Variants in SRD5A3 observed in about 807,000 individuals in gnomAD.
SRD5A3 encodes polyprenal reductase.
In SRD5A3, 24 loss-of-function variants were observed where a neutral mutation model predicts 34.3. The observed-to-expected ratio is 0.70, with a 90% CI of 0.51 to 0.99. The LOEUF (loss-of-function observed/expected upper bound fraction) is 0.99. Ranked by LOEUF, SRD5A3 falls within the 50% of genes least tolerant of loss-of-function variation. The probability of loss-of-function intolerance (pLI) is 0.00; values close to 1 mark genes in which losing one functional copy is unlikely to be tolerated. For synonymous variants in SRD5A3, 161 were observed against 167.3 expected (o/e 0.96, Z 0.29); for missense variants, 350 against 388.2 (o/e 0.90, Z 0.83).
chr4:55,346,545 A>C lies in SRD5A3; in HGVS notation c.209A>C (p.Asp70Ala). 1 of 1,596,734 alleles carries C rather than the reference A, an allele frequency of 6.3e-7. No homozygotes were observed. The highest frequency in any genetic ancestry group is 8.5e-7 in the Non-Finnish European group (1 of 1,172,676). ...PSRPAACRAF[D>A]VPKRYFSHFY... ...CGCCCCGCCGCCTGCCGAGCCTTTG[A>C]TGTCCCCAAGAGGTAACCGCGCCCC... Residue 70 changes from aspartate (D) to alanine (A), a missense_variant, in exon 1 of 5, where the codon GAT becomes GCT. Physicochemically the swap from Asp to Ala is moderately radical, Grantham distance 126. Around this residue, in one of 3 missense-constraint regions of SRD5A3, gnomAD observed 159 missense variants for 149.1 expected, o/e 1.07. Coordinates refer to ENST00000264228, the MANE Select transcript of SRD5A3 (RefSeq NM_024592.5).
Position 55,367,716 on chromosome 4 carries a change from A to G in SRD5A3, c.691A>G (p.Lys231Glu). ...TATTCTCGGCAATCTCAGGAAAAAT[A>G]AAGCAGGTGAGACCTCTTTTAGAGC... ...HVILGNLRKN[K>E]AGVVIHCNHR... The change falls in exon 4 of 5, where the codon AAA (lysine) becomes GAA (glutamate). Residue 231 changes from lysine (K) to glutamate (E), a missense_variant. By Grantham distance (56) the Lys-to-Glu change is moderately conservative. This residue lies in a region of SRD5A3 where 186 missense variants were observed against 221.4 expected (regional missense o/e 0.84). Coordinates refer to ENST00000264228, the MANE Select transcript of SRD5A3 (RefSeq NM_024592.5). The G allele has an allele frequency of 6.2e-7, 1 of 1,614,146 alleles. No homozygotes were observed.
chr4:55,365,441 C>A (rs1283201205), intron 3 of SRD5A3, among the ~76,000 whole-genome samples: 3 of 152,216 alleles, frequency 2.0e-5, no homozygotes, highest in Non-Finnish European at 2.9e-5. Context: ...CTCTCTGATT[C>A]CTCTGAACTT....
chr4:55,369,129 A>G (rs1190962421), intron 4 of SRD5A3, among the ~76,000 whole-genome samples: 2 of 152,192 alleles, frequency 1.3e-5, no homozygotes, highest in African/African-American at 4.8e-5. Context: ...CAATGCCGAC[A>G]TGAGATGACT....
intron 1 of SRD5A3, among the ~76,000 whole-genome samples, chr4:55,348,957 C>T (rs963537288): frequency 1.3e-5 from 2 of 152,088 alleles, no homozygotes; most frequent in Non-Finnish European, 1.5e-5. Context: ...TTGGTTAATC[C>T]AAATTTAAAA....
At chr4:55,359,267 A>G in intron 1 of SRD5A3, 79 bp from the exon 2 acceptor site, 1 of 1,588,078 alleles carries the variant, frequency 6.3e-7, no homozygotes, top group Non-Finnish European at 8.6e-7. Flanking sequence ...AAAGACAGAG[A>G]AACTAAAAAT....
chr4:55,348,594 GT>G (rs1719080090), intron 1 of SRD5A3, among the ~76,000 whole-genome samples: 1 of 152,126 alleles, frequency 6.6e-6, no homozygotes, highest in South Asian at 2.1e-4. Context: ...GATTTTACTG[GT>G]TTATAAATAG....
At chr4:55,350,963 G>A (rs1719169164) in intron 1 of SRD5A3, among the ~76,000 whole-genome samples, 1 of 151,458 alleles carries the variant, frequency 6.6e-6, no homozygotes, top group Non-Finnish European at 1.5e-5. Context: ...ATGGGGTTTC[G>A]CCATGTTGTA....
chr4:55,362,959 C>T, intron 2 of SRD5A3, among the ~76,000 whole-genome samples: 1 of 151,194 alleles, frequency 6.6e-6, no homozygotes, highest in Non-Finnish European at 1.5e-5. Context: ...AGTTCTACTA[C>T]CTCAGCCTGC....
chr4:55,370,266 C>T lies in SRD5A3; in HGVS notation c.*175C>T. The T allele has an allele frequency of 8.9e-6, 7 of 783,860 alleles. No homozygotes were observed. The highest frequency in any genetic ancestry group is 1.4e-5 in the Non-Finnish European group (7 of 486,208). 48.6% of individuals were successfully genotyped at this position (783,860 alleles called of 1,614,324 possible). ...GGCAGTGCCACTCAAGAAAATGAAT[C>T]TCCAAAGTATCTTCAAAGAATAAAT... is the stretch of plus-strand genomic sequence containing the variant. On this transcript the variant is annotated 3_prime_UTR_variant, in exon 5 of 5. Coordinates refer to ENST00000264228, the MANE Select transcript of SRD5A3 (RefSeq NM_024592.5).
Position 55,370,749 on chromosome 4 carries a change from A to G in SRD5A3, c.*658A>G, listed in dbSNP as rs1560375427. 6.5e-6 allele frequency: 1 copy of G among 154,094 alleles called. No individual in the cohort carries two copies. The highest frequency in any genetic ancestry group is 1.4e-5 in the Non-Finnish European group (1 of 69,430). The allele number at this position is 154,094 out of a possible 1,614,324, so 9.5% of individuals were successfully genotyped here. A position where few individuals can be genotyped will look rare whatever the true frequency, so the allele number is the denominator to read the frequency against. On this transcript the variant is annotated 3_prime_UTR_variant, in exon 5 of 5. Transcript: ENST00000264228. ...ATGAAAATTAGCCAAGAGTGGTGGC[A>G]CATGCCTGTAGTCCCAGATACTTGG...
intron 1 of SRD5A3, among the ~76,000 whole-genome samples, chr4:55,358,117 T>G (rs1034152356): frequency 5.3e-5 from 8 of 152,184 alleles, no homozygotes; most frequent in African/African-American, 1.4e-4. Flanking sequence ...GGATTTAATA[T>G]ATGCACGATG....
chr4:55,351,728 T>C (rs1247851017), intron 1 of SRD5A3: 1 of 417,820 alleles, frequency 2.4e-6, no homozygotes, highest in Non-Finnish European at 4.7e-6. Flanking sequence ...AACAGAATAA[T>C]AATTCATGCT....
chr4:55,363,666 C>G (rs1187178928), intron 2 of SRD5A3, among the ~76,000 whole-genome samples: 2 of 152,132 alleles, frequency 1.3e-5, no homozygotes, highest in Non-Finnish European at 2.9e-5. Flanking sequence ...TCCTGTCCCC[C>G]TCTCTGCCTC....
chr4:55,364,606 C>T, intron 3 of SRD5A3: 1 of 318,566 alleles, frequency 3.1e-6, no homozygotes. Flanking sequence ...GTCCCAGCTA[C>T]TGGGGAGGCT....
rs79043990 is a variant in SRD5A3 at position 55,355,907 on chromosome 4, G to A, written c.222-3439G>A. Among the ~76,000 whole-genome samples, 448 of 149,448 alleles carry A rather than the reference G, an allele frequency of 3.0e-3. 2 individuals are homozygous for A. Among genetic ancestry groups the A allele is most frequent in the African/African-American group, 0.01 (423 of 40,700 alleles). On this transcript the variant is annotated intron_variant, in intron 1 of 4. Coordinates refer to ENST00000264228, the MANE Select transcript of SRD5A3 (RefSeq NM_024592.5). ...ATGCTCTACCTGGCACCCCTTACCC[G>A]CACAACTAGACTGTTCTCTACCTCG...
chr4:55,354,576 C>T (rs1398528721), intron 1 of SRD5A3, among the ~76,000 whole-genome samples: 1 of 152,168 alleles, frequency 6.6e-6, no homozygotes, highest in African/African-American at 2.4e-5. Flanking sequence ...CTAGTTCTCT[C>T]TCTTACCTGC....
In SRD5A3 at chr4:55,364,154, T is replaced by G; in HGVS notation, c.445T>G (p.Tyr149Asp). 6.2e-7 allele frequency: 1 copy of G among 1,614,214 alleles called. No individual in the cohort carries two copies. Among genetic ancestry groups the G allele is most frequent in the East Asian group, 2.2e-5 (1 of 44,880 alleles). ...CTTACGAAGACTCTTCGAGTGCCTC[T>G]ACGTCAGTGTCTTCTCCAATGTCAT... Reference protein sequence around the residue: ...HSLRRLFECLYVSVFSNVMIH... With the variant: ...HSLRRLFECLDVSVFSNVMIH... Residue 149 changes from tyrosine to aspartate, a missense_variant, in exon 3 of 5, where the codon TAC (tyrosine) becomes GAC (aspartate). Around this residue, in one of 3 missense-constraint regions of SRD5A3, gnomAD observed 186 missense variants for 221.4 expected, o/e 0.84. Transcript: ENST00000264228.
chr4:55,347,107 TGG>T (rs755717290), intron 1 of SRD5A3, among the ~76,000 whole-genome samples: 4 of 152,204 alleles, frequency 2.6e-5, no homozygotes, highest in Non-Finnish European at 4.4e-5. Context: ...CAGGTGCCCC[TGG>T]GGAAGGTGGC....
intron 2 of SRD5A3, among the ~76,000 whole-genome samples, chr4:55,362,198 G>C (rs955777657): frequency 6.6e-6 from 1 of 151,216 alleles, no homozygotes; most frequent in Non-Finnish European, 1.5e-5. Flanking sequence ...CCTGATCTCA[G>C]CTCACCACAA....
Sources: gnomAD v4.1 joint callset for allele counts (sites outside exome capture counted in the v4.1 genomes callset) on GRCh38, gnomAD v4.1.1 for gene constraint, gnomAD v4.1.1 regional missense constraint, MANE v1.5 for transcripts, NCBI Gene and HGNC (gene_info 2026-07-23, HGNC 2026-07-21) for gene names.